Variants in MDFIC observed in about 807,000 individuals in gnomAD.
MDFIC encodes myoD family inhibitor domain-containing protein.
Under a neutral mutation model 23.2 loss-of-function variants are expected in MDFIC, and 17 were observed. The observed-to-expected ratio is 0.73, with a 90% confidence interval of 0.50 to 1.10. The LOEUF (loss-of-function observed/expected upper bound fraction) is 1.10. MDFIC is among the 50% of genes least tolerant of loss of function. MDFIC has a pLI of 0.00. For synonymous variants in MDFIC, 120 were observed against 115.2 expected (o/e 1.04, Z -0.27); for missense variants, 356 against 316.6 (o/e 1.12, Z -0.95).
At chr7:114,954,755 T>C (rs1468019162) in intron 3 of MDFIC, among the ~76,000 whole-genome samples, 2 of 152,258 alleles carry the variant, frequency 1.3e-5, no homozygotes, top group South Asian at 4.1e-4. Context: ...TTGGTCTATG[T>C]CCTGGGAGAA....
chr7:114,969,465 G>A lies in MDFIC; in HGVS notation c.218-10041G>A, dbSNP rs182589826. On this transcript the variant is annotated intron_variant, in intron 3 of 4. Coordinates refer to ENST00000393486, the MANE Select transcript of MDFIC (RefSeq NM_001166345.3). Reference sequence around the variant, plus strand: ...GGTTGACGGAATTCTAAGAATATAGGATCTTGTACTGAAGGAACTCTATAT... The same window carrying A: ...GGTTGACGGAATTCTAAGAATATAGAATCTTGTACTGAAGGAACTCTATAT... Among the ~76,000 whole-genome samples the A allele has an allele frequency of 2.6e-5, 4 of 152,254 alleles. No homozygotes were observed. In the East Asian group the frequency reaches 7.7e-4, roughly 29 times the overall value.
chr7:114,961,585 A>C (rs1003602274), intron 3 of MDFIC, among the ~76,000 whole-genome samples: 2 of 152,226 alleles, frequency 1.3e-5, no homozygotes, highest in African/African-American at 4.8e-5. Context: ...AAAGAGGTAT[A>C]GTTTTCTCAT....
rs749983777 is a variant in MDFIC, at chr7:114,942,353, A to G, written c.173A>G (p.Asp58Gly). ...CACTTCACACATGGAGAGATGCAAG[A>G]CCAGTCCATTTGGGGAAATCCTTCG... is the stretch of plus-strand genomic sequence containing the variant. Reference protein sequence around the residue: ...NSHFTHGEMQDQSIWGNPSDG... With the variant: ...NSHFTHGEMQGQSIWGNPSDG... Residue 58 changes from aspartate (D) to glycine (G), a missense_variant, in exon 3 of 5, where the codon GAC (aspartate) becomes GGC (glycine). Transcript: ENST00000393486. 8.1e-6 allele frequency: 13 copies of G among 1,606,664 alleles called. No homozygotes were observed. Among genetic ancestry groups the G allele is most frequent in the Non-Finnish European group, 1.1e-5 (13 of 1,175,784 alleles).
chr7:115,011,008 T>A (rs1791671014), intron 4 of MDFIC, among the ~76,000 whole-genome samples: 1 of 152,176 alleles, frequency 6.6e-6, no homozygotes. Flanking sequence ...TAAAAACAGA[T>A]AGATGAACAA....
chr7:114,937,379 G>T (rs1792446366), intron 2 of MDFIC, among the ~76,000 whole-genome samples: 1 of 152,150 alleles, frequency 6.6e-6, no homozygotes, highest in African/African-American at 2.4e-5. Context: ...CTTTCTTTGA[G>T]AATTAATTCA....
intron 3 of MDFIC, among the ~76,000 whole-genome samples, chr7:114,961,970 T>G (rs1187430042): frequency 6.6e-6 from 1 of 152,190 alleles, no homozygotes; most frequent in Non-Finnish European, 1.5e-5. Flanking sequence ...TCTTACTTGT[T>G]TCTCTAGAAA....
At chr7:114,980,304 T>C (rs915543663) in intron 4 of MDFIC, among the ~76,000 whole-genome samples, 1 of 152,182 alleles carries the variant, frequency 6.6e-6, no homozygotes, top group African/African-American at 2.4e-5. Flanking sequence ...GCCGCCACGT[T>C]GGCCAGCACC....
chr7:114,929,420 A>G (rs1792265527), intron 2 of MDFIC, among the ~76,000 whole-genome samples: 1 of 152,104 alleles, frequency 6.6e-6, no homozygotes, highest in South Asian at 2.1e-4. Flanking sequence ...TCCTTTTTAT[A>G]ATGGAGTTAA....
intron 4 of MDFIC, among the ~76,000 whole-genome samples, chr7:115,005,696 A>C (rs1791555673): frequency 6.6e-6 from 1 of 152,226 alleles, no homozygotes; most frequent in Non-Finnish European, 1.5e-5. Context: ...CAACATGTTC[A>C]TAGATCGTTT....
intron 2 of MDFIC, among the ~76,000 whole-genome samples, chr7:114,926,497 A>G (rs1792192734): frequency 6.6e-6 from 1 of 152,150 alleles, no homozygotes; most frequent in African/African-American, 2.4e-5. Flanking sequence ...CCATCCCTGT[A>G]TCTTTCCCCC....
At position 114,997,256 on chromosome 7, in the gene MDFIC, G is replaced by GA. The variant is rs374547874; in HGVS notation, c.493+17477dup. 1.2e-3 allele frequency among the ~76,000 whole-genome samples: 184 copies of GA among 152,292 alleles called. 1 individual carries two copies. The highest frequency in any genetic ancestry group is 4.2e-3 in the African/African-American group (176 of 41,562). On this transcript the variant is annotated intron_variant, in intron 4 of 4. Transcript: ENST00000393486. ...TAGGATATAAAGGCGAATGTTTTTA[G>GA]AATGGGGTACATGGTTGAGTGCTAT...
At chr7:114,986,648 GTT>G (rs71526865) in intron 4 of MDFIC, among the ~76,000 whole-genome samples, 10,524 of 152,170 alleles carry the variant, frequency 0.069, 444 homozygotes, top group South Asian at 0.15. Flanking sequence ...GAATGCCTTT[GTT>G]TCTCCTCTCC....
intron 4 of MDFIC, among the ~76,000 whole-genome samples, chr7:114,992,761 C>T (rs1474125116): frequency 2.6e-5 from 4 of 152,124 alleles, no homozygotes; most frequent in East Asian, 1.9e-4. Flanking sequence ...CAGTATTTTA[C>T]TGAGGATTTT....
At chr7:114,934,732 G>A (rs750427500) in intron 2 of MDFIC, among the ~76,000 whole-genome samples, 4 of 152,300 alleles carry the variant, frequency 2.6e-5, no homozygotes, top group Non-Finnish European at 4.4e-5. Context: ...AACATTTATA[G>A]TGTATGATTA....
chr7:114,951,169 G>A (rs1367131380), intron 3 of MDFIC, among the ~76,000 whole-genome samples: 3 of 152,182 alleles, frequency 2.0e-5, no homozygotes, highest in African/African-American at 7.2e-5. Flanking sequence ...ATGGGTGACA[G>A]AGGGAGACCC....
At position 114,933,314 on chromosome 7, in the gene MDFIC, A is replaced by G. The variant is rs528254543; in HGVS notation, c.95-8961A>G. Among the ~76,000 whole-genome samples, 728 of 147,478 alleles carry G rather than the reference A, an allele frequency of 4.9e-3. 3 individuals are homozygous for G. The highest frequency in any genetic ancestry group is 7.3e-3 in the Non-Finnish European group (493 of 67,466). On this transcript the variant is annotated intron_variant, in intron 2 of 4. Coordinates refer to ENST00000393486, the MANE Select transcript of MDFIC (RefSeq NM_001166345.3). Reference sequence around the variant, plus strand: ...CACTCTGTCATGCAGGCTGGAGTGCAATGGCGTGATCTCGGCTCACTGCAG... The same window carrying G: ...CACTCTGTCATGCAGGCTGGAGTGCGATGGCGTGATCTCGGCTCACTGCAG...
rs1554470414 is a variant in MDFIC, at chr7:114,933,253, C to CA, written c.95-9022_95-9021insA. 7.0e-3 allele frequency among the ~76,000 whole-genome samples: 951 copies of CA among 135,930 alleles called. 11 individuals are homozygous for CA. The highest frequency in any genetic ancestry group is 0.024 in the African/African-American group (900 of 36,836). 89.2% of individuals were successfully genotyped at this position (135,930 alleles called of 152,430 possible). On this transcript the variant is annotated intron_variant, in intron 2 of 4. Transcript: ENST00000393486. The stretch of plus-strand genomic sequence containing the variant: ...GGGGAAGATGATAGAGTGTTCCATT[C>CA]TTTTTTTTTTTTTTTTTCCTTTTGA...
intron 4 of MDFIC, among the ~76,000 whole-genome samples, chr7:114,983,305 A>G (rs897888134): frequency 9.9e-5 from 15 of 152,188 alleles, no homozygotes; most frequent in African/African-American, 3.6e-4. Context: ...TTTTATCAAC[A>G]ACTGGAATAA....
In MDFIC at chr7:115,018,780, CT is replaced by C; in HGVS notation, c.*2846del. On this transcript the variant is annotated 3_prime_UTR_variant, in exon 5 of 5. Coordinates refer to ENST00000393486, the MANE Select transcript of MDFIC (RefSeq NM_001166345.3). ...ATTTTGCTTTACCGTATGTTTATATCTAATTGACATATTGACTAATGTTTGA... is the reference window on the plus strand; with the variant it reads ...ATTTTGCTTTACCGTATGTTTATATCAATTGACATATTGACTAATGTTTGA... 1 of 152,144 alleles carries C rather than the reference CT, an allele frequency of 6.6e-6. No individual in the cohort carries two copies. The highest frequency in any genetic ancestry group is 2.1e-4 in the South Asian group (1 of 4,830). The allele number at this position is 152,144 out of a possible 1,614,324, so 9.4% of individuals were successfully genotyped here. A position where few individuals can be genotyped will look rare whatever the true frequency, so the allele number is the denominator to read the frequency against.
Sources: allele counts gnomAD v4.1 joint callset (sites outside exome capture counted in the v4.1 genomes callset), GRCh38; gene constraint gnomAD v4.1.1; transcripts MANE v1.5; gene names NCBI Gene and HGNC (gene_info 2026-07-23, HGNC 2026-07-21).